FBLN5: variants seen among roughly 807,000 people sequenced by gnomAD.
FBLN5 encodes fibulin-5.
Under a neutral mutation model 61.6 loss-of-function variants are expected in FBLN5, and 24 were observed. The ratio of observed to expected loss-of-function variants is 0.39; its 90% CI spans 0.28 to 0.55. The LOEUF (loss-of-function observed/expected upper bound fraction) is 0.55, where lower values mean the gene tolerates loss of function less well. FBLN5 is among the 20% of genes least tolerant of loss of function. The pLI is 0.65. For synonymous variants in FBLN5, 213 were observed against 219.8 expected (o/e 0.97, Z 0.27); for missense variants, 470 against 594.1 (o/e 0.79, Z 2.17).
intron 9 of FBLN5, 137 bp downstream of exon 9, chr14:91,881,155 G>A (rs539972949): frequency 4.9e-5 from 36 of 739,216 alleles, no homozygotes; most frequent in South Asian, 2.5e-4. Context: ...ACACACACAC[G>A]CATGAGCACA....
intron 4 of FBLN5, among the ~76,000 whole-genome samples, chr14:91,919,500 A>T (rs1170993781): frequency 1.3e-5 from 2 of 152,084 alleles, no homozygotes; most frequent in African/African-American, 4.8e-5. Context: ...CCTGTGTTAT[A>T]GGGTGAATCG....
intron 7 of FBLN5, 56 bp downstream of exon 7, chr14:91,887,137 A>C (rs1889760539): frequency 6.2e-7 from 1 of 1,606,836 alleles, no homozygotes; most frequent in Non-Finnish European, 8.5e-7. Context: ...CTTGCCCTTC[A>C]ACCCCTGCCC....
chr14:91,939,890 C>G (rs1005933060), intron 3 of FBLN5: 4 of 443,850 alleles, frequency 9.0e-6, no homozygotes, highest in Non-Finnish European at 1.8e-5. Context: ...TGGGTGGGCC[C>G]GATATATTCA....
At chr14:91,893,120 A>G (rs1339832059) in intron 5 of FBLN5, among the ~76,000 whole-genome samples, 1 of 152,074 alleles carries the variant, frequency 6.6e-6, no homozygotes, top group East Asian at 1.9e-4. Flanking sequence ...AAAAAACTAG[A>G]CTGAGACACG....
rs1034439460 is a variant in FBLN5 at position 91,919,023 on chromosome 14, C to T, written c.379+17924G>A. Among the ~76,000 whole-genome samples the T allele has an allele frequency of 2.2e-4, 34 of 151,984 alleles. 1 individual carries two copies. The highest frequency in any genetic ancestry group is 1.5e-5 in the Non-Finnish European group (1 of 68,016). On this transcript the variant is annotated intron_variant, in intron 4 of 10. Coordinates refer to ENST00000342058, the MANE Select transcript of FBLN5 (RefSeq NM_006329.4). ...CTGGGAAGAAATCACAGATTAAGGT[C>T]ATTAAGGATAAGAAAAAAGAATGGC... is the stretch of plus-strand genomic sequence containing the variant.
intron 4 of FBLN5, among the ~76,000 whole-genome samples, chr14:91,912,087 T>G (rs1890972013): frequency 6.6e-6 from 1 of 152,272 alleles, no homozygotes; most frequent in Non-Finnish European, 1.5e-5. Context: ...TGTTGTACTA[T>G]CTAAATGTTA....
At chr14:91,932,731 C>A (rs1332416251) in intron 4 of FBLN5, among the ~76,000 whole-genome samples, 10 of 152,204 alleles carry the variant, frequency 6.6e-5, no homozygotes, top group Admixed American at 3.9e-4. Context: ...ATAAGATAAC[C>A]CGCGCCCCGG....
At chr14:91,924,694 A>G (rs7159475) in intron 4 of FBLN5, among the ~76,000 whole-genome samples, 2,404 of 152,320 alleles carry the variant, frequency 0.016, 64 homozygotes, top group African/African-American at 0.054. Flanking sequence ...CGAATAAGAC[A>G]GAAAGCTCTG....
At chr14:91,885,779 G>A (rs111662254) in intron 7 of FBLN5, among the ~76,000 whole-genome samples, 12 of 152,328 alleles carry the variant, frequency 7.9e-5, no homozygotes, top group Non-Finnish European at 1.0e-4. Flanking sequence ...GCGGATTAAC[G>A]GAGGATTCTG....
intron 4 of FBLN5, among the ~76,000 whole-genome samples, chr14:91,903,095 T>C (rs192961150): frequency 6.6e-6 from 1 of 152,342 alleles, no homozygotes; most frequent in East Asian, 1.9e-4. Context: ...GAAACTATTT[T>C]TTTTTAATGG....
chr14:91,891,174 C>T (rs772898300), intron 6 of FBLN5, 47 bp downstream of exon 6: 2 of 1,049,894 alleles, frequency 1.9e-6, no homozygotes, highest in South Asian at 2.5e-5. Context: ...AAGAAGGCTG[C>T]AGCTAGTGTC....
chr14:91,932,676 C>CCTAGAT (rs2055945049), intron 4 of FBLN5, among the ~76,000 whole-genome samples: 1 of 152,138 alleles, frequency 6.6e-6, no homozygotes, highest in Non-Finnish European at 1.5e-5. Context: ...GGATCAAGTC[C>CCTAGAT]CTAGATCTAT....
intron 4 of FBLN5, among the ~76,000 whole-genome samples, chr14:91,933,473 G>C (rs535677085): frequency 9.5e-4 from 145 of 152,070 alleles, no homozygotes; most frequent in African/African-American, 3.3e-3. Context: ...TCATCATGTT[G>C]GCCAGGCTGG....
chr14:91,902,378 TA>T (rs1890497001), intron 4 of FBLN5, among the ~76,000 whole-genome samples: 1 of 151,334 alleles, frequency 6.6e-6, no homozygotes, highest in African/African-American at 2.4e-5. Flanking sequence ...TTCCATTTAC[TA>T]AAATTTTTGC....
chr14:91,943,748 C>T lies in FBLN5; in HGVS notation c.18-787G>A, dbSNP rs2056142843. Reference sequence around the variant, plus strand: ...AAGTCACTGAACCAGAGCATTGAGTCCACATGTGTGAAAATCCCCCATCAG... The same window carrying T: ...AAGTCACTGAACCAGAGCATTGAGTTCACATGTGTGAAAATCCCCCATCAG... On this transcript the variant is annotated intron_variant, in intron 1 of 10. Coordinates refer to ENST00000342058, the MANE Select transcript of FBLN5 (RefSeq NM_006329.4). This position sits in a 1 kb window ranked among gnomAD's most constrained non-coding sequence, Gnocchi z 4.0. Among the ~76,000 whole-genome samples, 1 of 152,156 alleles carries T rather than the reference C, an allele frequency of 6.6e-6. No homozygotes were observed. Among genetic ancestry groups the T allele is most frequent in the Non-Finnish European group, 1.5e-5 (1 of 68,018 alleles).
intron 4 of FBLN5, among the ~76,000 whole-genome samples, chr14:91,934,876 C>A (rs1041995873): frequency 6.6e-6 from 1 of 152,174 alleles, no homozygotes; most frequent in African/African-American, 2.4e-5. Context: ...GTAGAAAGAG[C>A]CTCCCTTTCC....
chr14:91,924,873 G>A (rs1049451477), intron 4 of FBLN5, among the ~76,000 whole-genome samples: 30 of 152,118 alleles, frequency 2.0e-4, no homozygotes, highest in African/African-American at 7.2e-4. Flanking sequence ...TCCCCACGGA[G>A]AAGGCCACCC....
At chr14:91,927,889 A>G (rs2055855814) in intron 4 of FBLN5, among the ~76,000 whole-genome samples, 1 of 152,256 alleles carries the variant, frequency 6.6e-6, no homozygotes, top group Admixed American at 6.5e-5. Context: ...ACATGACTAG[A>G]CCAAGGAACA....
intron 4 of FBLN5, among the ~76,000 whole-genome samples, chr14:91,933,513 C>T (rs1013525652): frequency 1.3e-5 from 2 of 152,102 alleles, no homozygotes; most frequent in East Asian, 1.9e-4. Flanking sequence ...GGTGATCCAC[C>T]CACCTCGGCC....
Sources: gnomAD v4.1 joint callset for allele counts (sites outside exome capture counted in the v4.1 genomes callset) on GRCh38, gnomAD v4.1.1 for gene constraint, Gnocchi (gnomAD v3.1) non-coding constraint, MANE v1.5 for transcripts, NCBI Gene and HGNC (gene_info 2026-07-23, HGNC 2026-07-21) for gene names.